TIAM1: variants seen among roughly 807,000 people sequenced by gnomAD.
TIAM1 encodes the protein rho guanine nucleotide exchange factor TIAM1.
In TIAM1, 65 loss-of-function variants were observed where a neutral mutation model predicts 163.5. That is an observed-to-expected ratio of 0.40 (90% CI 0.33 to 0.49). TIAM1 has a LOEUF of 0.49. TIAM1 is among the 20% of genes least tolerant of loss of function. The pLI is 0.77. For missense variants in TIAM1, 1,789 were observed against 2,044.7 expected, an observed-to-expected ratio of 0.87 and a Z score of 2.41; for synonymous variants, 833 against 810.1, an observed-to-expected ratio of 1.03 and a Z score of -0.48.
chr21:31,442,998 T>C (rs1035286410), intron 2 of TIAM1, among the ~76,000 whole-genome samples: 1 of 152,210 alleles, frequency 6.6e-6, no homozygotes, highest in African/African-American at 2.4e-5. Context: ...CAAATTGCAA[T>C]GCGGCTCCTA....
At chr21:31,468,122 C>T (rs1262799241) in intron 1 of TIAM1, among the ~76,000 whole-genome samples, 1 of 151,028 alleles carries the variant, frequency 6.6e-6, no homozygotes, top group African/African-American at 2.4e-5. Context: ...TAAAACGACA[C>T]AGCTGCCTTT....
chr21:31,433,741 G>C (rs1265380494), intron 2 of TIAM1, among the ~76,000 whole-genome samples: 2 of 151,996 alleles, frequency 1.3e-5, no homozygotes, highest in Admixed American at 1.3e-4. Flanking sequence ...GATTGTCAGG[G>C]AATACGTTAT....
intron 5 of TIAM1, among the ~76,000 whole-genome samples, chr21:31,246,221 CTTT>C (rs200986423): frequency 8.1e-5 from 12 of 148,576 alleles, no homozygotes; most frequent in African/African-American, 2.7e-4. Flanking sequence ...CATCTATAAA[CTTT>C]TTTTTTTTCT....
At chr21:31,261,400 T>C (rs376727474) in intron 4 of TIAM1, among the ~76,000 whole-genome samples, 2 of 152,018 alleles carry the variant, frequency 1.3e-5, no homozygotes, top group African/African-American at 4.8e-5. Context: ...CCTCCTTGAT[T>C]AGCAAGTCAG....
intron 15 of TIAM1, among the ~76,000 whole-genome samples, chr21:31,181,557 A>G (rs535666348): frequency 1.3e-5 from 2 of 151,852 alleles, no homozygotes; most frequent in Non-Finnish European, 2.9e-5. Context: ...TCAGGTTGAA[A>G]AAGTCCAAAA....
intron 1 of TIAM1, among the ~76,000 whole-genome samples, chr21:31,527,410 G>C (rs149850245): frequency 1.3e-5 from 2 of 152,270 alleles, no homozygotes; most frequent in African/African-American, 4.8e-5. Flanking sequence ...TCTAAAAATA[G>C]AGGGCCTGAT....
chr21:31,136,732 CAG>C (rs1026074228), intron 22 of TIAM1, among the ~76,000 whole-genome samples: 4 of 152,070 alleles, frequency 2.6e-5, no homozygotes, highest in Non-Finnish European at 5.9e-5. Flanking sequence ...GTTTTGTGTT[CAG>C]AGACAGTTTC....
intron 2 of TIAM1, among the ~76,000 whole-genome samples, chr21:31,367,287 C>A (rs1047184543): frequency 3.3e-5 from 5 of 152,266 alleles, no homozygotes; most frequent in Non-Finnish European, 7.4e-5. Context: ...GGACACAGAG[C>A]TGGAAGAACG....
intron 15 of TIAM1, among the ~76,000 whole-genome samples, chr21:31,177,404 C>T (rs905308836): frequency 6.6e-6 from 1 of 152,154 alleles, no homozygotes; most frequent in Admixed American, 6.5e-5. Context: ...GCCAGGAGTT[C>T]GAGACCAGCC....
chr21:31,301,351 T>C (rs1315338090), intron 2 of TIAM1, among the ~76,000 whole-genome samples: 1 of 152,172 alleles, frequency 6.6e-6, no homozygotes, highest in Non-Finnish European at 1.5e-5. Flanking sequence ...CTTCTCTAGA[T>C]TCTCTTAATA....
At chr21:31,436,835 G>A (rs1277713981) in intron 2 of TIAM1, among the ~76,000 whole-genome samples, 1 of 151,988 alleles carries the variant, frequency 6.6e-6, no homozygotes, top group East Asian at 1.9e-4. Context: ...GTGCATGCCT[G>A]TGATCCCAGC....
At chr21:31,286,715 C>T (rs780791943) in intron 2 of TIAM1, among the ~76,000 whole-genome samples, 1 of 152,128 alleles carries the variant, frequency 6.6e-6, no homozygotes, top group Non-Finnish European at 1.5e-5. Flanking sequence ...CCTGTCTCAA[C>T]AAATTGTGTG....
intron 2 of TIAM1, among the ~76,000 whole-genome samples, chr21:31,327,133 C>T (rs1229172502): frequency 3.9e-5 from 6 of 152,112 alleles, no homozygotes; most frequent in African/African-American, 4.8e-5. Context: ...ATGGAAAAGA[C>T]GGTCGAATCT....
chr21:31,181,417 C>A (rs1318920756), intron 15 of TIAM1, among the ~76,000 whole-genome samples: 1 of 151,838 alleles, frequency 6.6e-6, no homozygotes, highest in Non-Finnish European at 1.5e-5. Flanking sequence ...TCTATGGGGT[C>A]CCAGGAAGAC....
intron 1 of TIAM1, among the ~76,000 whole-genome samples, chr21:31,511,197 T>C (rs2047199688): frequency 6.6e-6 from 1 of 152,242 alleles, no homozygotes; most frequent in African/African-American, 2.4e-5. Flanking sequence ...TAAGTCACCC[T>C]GTTGGTGGCA....
intron 16 of TIAM1, among the ~76,000 whole-genome samples, chr21:31,156,670 T>C (rs1204453329): frequency 6.6e-6 from 1 of 152,216 alleles, no homozygotes; most frequent in Non-Finnish European, 1.5e-5. Flanking sequence ...GTCTTTTAGA[T>C]GATCCAGTGA....
intron 14 of TIAM1, among the ~76,000 whole-genome samples, chr21:31,185,275 C>G (rs1308391810): frequency 6.6e-6 from 1 of 151,454 alleles, no homozygotes; most frequent in African/African-American, 2.4e-5. Context: ...AGTCCCTGTC[C>G]ACCTAGAATG....
At chr21:31,375,929 A>C (rs1049689479) in intron 2 of TIAM1, among the ~76,000 whole-genome samples, 2 of 152,082 alleles carry the variant, frequency 1.3e-5, no homozygotes, top group African/African-American at 4.8e-5. Flanking sequence ...CGGGAGGCTG[A>C]GGCAGGAGAA....
At chr21:31,428,820 C>T (rs534512915) in intron 2 of TIAM1, among the ~76,000 whole-genome samples, 218 of 150,944 alleles carry the variant, frequency 1.4e-3, no homozygotes, top group African/African-American at 5.1e-3. Flanking sequence ...GAGGCCAAGG[C>T]TGCAGTGAGC....
Sources: allele counts gnomAD v4.1 joint callset (sites outside exome capture counted in the v4.1 genomes callset), GRCh38; gene constraint gnomAD v4.1.1; transcripts MANE v1.5; gene names NCBI Gene and HGNC (gene_info 2026-07-23, HGNC 2026-07-21).